Variants in RYR3 observed in about 807,000 individuals in gnomAD.
RYR3 encodes brain ryanodine receptor-calcium release channel.
A neutral mutation model predicts 584.3 loss-of-function variants in RYR3; 207 were observed. The ratio of observed to expected loss-of-function variants is 0.35; its 90% CI spans 0.32 to 0.40. The LOEUF (loss-of-function observed/expected upper bound fraction) is 0.40, where lower values mean the gene tolerates loss of function less well. RYR3 is among the 10% of genes least tolerant of loss of function. RYR3 has a pLI of 1.00. For synonymous variants in RYR3, 2,416 were observed against 2,248.5 expected, an observed-to-expected ratio of 1.07 and a Z score of -2.11; for missense variants, 5,616 against 6,089.2, an observed-to-expected ratio of 0.92 and a Z score of 2.59.
intron 1 of RYR3, among the ~76,000 whole-genome samples, chr15:33,401,371 G>A (rs544307032): frequency 7.2e-5 from 11 of 152,284 alleles, no homozygotes; most frequent in East Asian, 1.9e-4. Flanking sequence ...TGTCTCAGGC[G>A]TCTGATTTCA....
intron 16 of RYR3, among the ~76,000 whole-genome samples, chr15:33,599,310 A>G (rs1422182174): frequency 1.3e-5 from 2 of 152,216 alleles, no homozygotes; most frequent in Admixed American, 6.5e-5. Context: ...TAGTTAATTT[A>G]GAAAGTTTAT....
intron 62 of RYR3, among the ~76,000 whole-genome samples, chr15:33,770,596 A>T (rs907716783): frequency 2.6e-5 from 4 of 152,130 alleles, no homozygotes; most frequent in Admixed American, 6.5e-5. Context: ...AAAAAATTTT[A>T]AAAATTATCC....
chr15:33,500,988 G>C (rs536978036), intron 2 of RYR3, among the ~76,000 whole-genome samples: 147 of 152,246 alleles, frequency 9.7e-4, no homozygotes, highest in Non-Finnish European at 1.6e-3. Flanking sequence ...GGTGCTGTTG[G>C]AGTGGCATGC....
At chr15:33,533,906 TTTAA>T (rs1399979725) in intron 5 of RYR3, among the ~76,000 whole-genome samples, 8 of 152,220 alleles carry the variant, frequency 5.3e-5, no homozygotes, top group Admixed American at 4.6e-4. Context: ...TTTATTTAAA[TTTAA>T]TTACTTTTGT....
chr15:33,758,831 C>G (rs138182769), intron 60 of RYR3, among the ~76,000 whole-genome samples: 1,592 of 152,306 alleles, frequency 0.01, 25 homozygotes, highest in African/African-American at 0.037. Flanking sequence ...GTCCCTGAGC[C>G]CCGTGCCTCC....
intron 2 of RYR3, among the ~76,000 whole-genome samples, chr15:33,482,846 G>T (rs2050094373): frequency 6.6e-6 from 1 of 151,886 alleles, no homozygotes; most frequent in Admixed American, 6.6e-5. Flanking sequence ...GAATTTGGGG[G>T]ACATTATTTC....
chr15:33,430,809 T>C (rs2045078133), intron 1 of RYR3, among the ~76,000 whole-genome samples: 7 of 152,228 alleles, frequency 4.6e-5, no homozygotes, highest in Admixed American at 4.6e-4. Flanking sequence ...GAATTTCCCT[T>C]GAAGAAATTC....
rs896519563 is a variant in RYR3 at position 33,566,727 on chromosome 15, G to A, written c.1196G>A (p.Arg399Lys). Residue 399 changes from arginine (R) to lysine (K), a missense_variant, in exon 12 of 104, where the codon AGA (arginine) becomes AAA (lysine). By Grantham distance (26) the Arg-to-Lys change is conservative. This residue lies in a region of RYR3 where 1,284 missense variants were observed against 1,344.6 expected (regional missense o/e 0.95). Coordinates refer to ENST00000634891, the MANE Select transcript of RYR3 (RefSeq NM_001036.6). ...ATGGATGATGGATTAACACTGCAGA[G>A]ATGCCAGCGTGAGGAGTCCCAGGCT... is the stretch of plus-strand genomic sequence containing the variant. ...GHMDDGLTLQ[R>K]CQREESQAAR... is the part of the protein sequence containing the mutation. 2 of 1,613,656 alleles carry A rather than the reference G, an allele frequency of 1.2e-6. No homozygotes were observed. Among genetic ancestry groups the A allele is most frequent in the Non-Finnish European group, 1.7e-6 (2 of 1,179,722 alleles).
At chr15:33,520,529 T>C (rs79863421) in intron 3 of RYR3, among the ~76,000 whole-genome samples, 3,966 of 151,938 alleles carry the variant, frequency 0.026, 65 homozygotes, top group Non-Finnish European at 0.041. Context: ...AGGCTCCTTT[T>C]ATGCAAAGAA....
At chr15:33,558,524 T>C (rs967736603) in intron 10 of RYR3, among the ~76,000 whole-genome samples, 79 of 152,132 alleles carry the variant, frequency 5.2e-4, no homozygotes, top group Non-Finnish European at 9.7e-4. Context: ...TGGTTCCAAG[T>C]CTTTGCTATT....
At chr15:33,763,638 A>G (rs1387034405) in intron 60 of RYR3, among the ~76,000 whole-genome samples, 1 of 152,138 alleles carries the variant, frequency 6.6e-6, no homozygotes, top group Non-Finnish European at 1.5e-5. Flanking sequence ...CATGCCTGTA[A>G]ACCCAGCACT....
chr15:33,576,777 C>A (rs549617267), intron 12 of RYR3, among the ~76,000 whole-genome samples: 2 of 151,174 alleles, frequency 1.3e-5, no homozygotes, highest in Non-Finnish European at 2.9e-5. Context: ...GTCAATCAGG[C>A]AAGAGAAAGA....
At chr15:33,446,152 C>T (rs975160231) in intron 1 of RYR3, among the ~76,000 whole-genome samples, 6 of 152,142 alleles carry the variant, frequency 3.9e-5, no homozygotes, top group Admixed American at 1.3e-4. Context: ...GGAGAAAATT[C>T]GTTTAATTAC....
intron 1 of RYR3, among the ~76,000 whole-genome samples, chr15:33,417,267 G>A (rs1424428216): frequency 6.6e-6 from 1 of 152,000 alleles, no homozygotes. Flanking sequence ...TTAATTTGTA[G>A]ATTGCTCTGG....
chr15:33,762,480 C>G (rs2072559070), intron 60 of RYR3, among the ~76,000 whole-genome samples: 1 of 152,052 alleles, frequency 6.6e-6, no homozygotes, highest in Admixed American at 6.6e-5. Context: ...AACAGAGAGC[C>G]AAATCATGAG....
chr15:33,352,389 G>A (rs1361089956), intron 1 of RYR3, among the ~76,000 whole-genome samples: 1 of 151,998 alleles, frequency 6.6e-6, no homozygotes, highest in East Asian at 1.9e-4. Context: ...AATTCTTCTG[G>A]TGCTAGGTGA....
rs201375567 is a variant in RYR3, at chr15:33,837,819, G to A, written c.11839G>A (p.Ala3947Thr). Reference protein sequence around the residue: ...GIISKKEFQKAMEGQKQYTQS... With the variant: ...GIISKKEFQKTMEGQKQYTQS... ...TATCTCCAAAAAAGAATTCCAGAAG[G>A]CCATGGAAGGGCAAAAACAGTACAC... is the stretch of plus-strand genomic sequence containing the variant. The change falls in exon 89 of 104, where the codon GCC becomes ACC. Residue 3947 changes from alanine to threonine, a missense_variant. Ala to Thr is a moderately conservative substitution (Grantham distance 58). This residue lies in a region of RYR3 where 258 missense variants were observed against 297.3 expected (regional missense o/e 0.87). Coordinates refer to ENST00000634891, the MANE Select transcript of RYR3 (RefSeq NM_001036.6). 1.5e-3 allele frequency: 2,458 copies of A among 1,613,968 alleles called. 6 individuals carry two copies. Among genetic ancestry groups the A allele is most frequent in the Non-Finnish European group, 1.9e-3 (2,247 of 1,179,886 alleles).
At chr15:33,808,901 C>G (rs1168287860) in intron 70 of RYR3, among the ~76,000 whole-genome samples, 1 of 152,150 alleles carries the variant, frequency 6.6e-6, no homozygotes, top group Non-Finnish European at 1.5e-5. Flanking sequence ...GCAAGATACC[C>G]CTGCAACAAT....
Position 33,669,393 on chromosome 15 carries a change from C to T in RYR3, c.5659C>T (p.Pro1887Ser). Residue 1887 changes from proline to serine, a missense_variant, in exon 37 of 104, where the codon CCC (proline) becomes TCC (serine). Transcript: ENST00000634891. ...LLNFQLGENCPCPEEIREELY... is the reference protein window; with the variant it reads ...LLNFQLGENCSCPEEIREELY... Reference sequence around the variant, plus strand: ...TAACTTTCAACTGGGAGAGAACTGCCCCTGCCCAGAGGAGATTCGGGAGGA... The same window carrying T: ...TAACTTTCAACTGGGAGAGAACTGCTCCTGCCCAGAGGAGATTCGGGAGGA... 6 of 1,613,926 alleles carry T rather than the reference C, an allele frequency of 3.7e-6. No individual in the cohort carries two copies. Among genetic ancestry groups the T allele is most frequent in the Non-Finnish European group, 5.1e-6 (6 of 1,179,878 alleles).
Sources: allele counts gnomAD v4.1 joint callset (sites outside exome capture counted in the v4.1 genomes callset), GRCh38; gene constraint gnomAD v4.1.1; regional missense constraint gnomAD v4.1.1; transcripts MANE v1.5; gene names NCBI Gene and HGNC (gene_info 2026-07-23, HGNC 2026-07-21).